Variants in KSR2 observed in about 807,000 individuals in gnomAD.
KSR2 encodes the protein kinase suppressor of ras 2.
KSR2 carries 25 observed loss-of-function variants against 107.8 expected under a neutral mutation model. That is an observed-to-expected ratio of 0.23 (90% CI 0.17 to 0.32). KSR2 has a LOEUF of 0.32. Ranked by LOEUF, KSR2 falls within the 10% of genes least tolerant of loss-of-function variation. KSR2 has a pLI of 1.00. For synonymous variants in KSR2, 480 were observed against 507.0 expected (o/e 0.95, Z 0.71); for missense variants, 887 against 1,268.9 (o/e 0.70, Z 4.57).
intron 3 of KSR2, among the ~76,000 whole-genome samples, chr12:117,824,562 T>A (rs1019528436): frequency 5.9e-5 from 9 of 152,172 alleles, no homozygotes; most frequent in East Asian, 1.9e-4. Flanking sequence ...AAAATTATTT[T>A]AAAAAAATTT....
intron 4 of KSR2, among the ~76,000 whole-genome samples, chr12:117,713,413 ACT>A (rs1287875436): frequency 6.6e-6 from 1 of 152,138 alleles, no homozygotes; most frequent in Non-Finnish European, 1.5e-5. Flanking sequence ...TCTTTGGGGA[ACT>A]CTGATACAGA....
At chr12:117,776,629 G>T (rs1395399410) in intron 3 of KSR2, among the ~76,000 whole-genome samples, 1 of 152,072 alleles carries the variant, frequency 6.6e-6, no homozygotes, top group Non-Finnish European at 1.5e-5. Flanking sequence ...AACCTTGATG[G>T]TCGCTGTCAT....
chr12:117,477,039 T>C (rs1249916605), intron 16 of KSR2, among the ~76,000 whole-genome samples: 1 of 152,214 alleles, frequency 6.6e-6, no homozygotes, highest in Non-Finnish European at 1.5e-5. Context: ...TTTTACATAA[T>C]AGACTATGGG....
chr12:117,941,829 G>C (rs1270935782), intron 1 of KSR2, among the ~76,000 whole-genome samples: 1 of 132,572 alleles, frequency 7.5e-6, no homozygotes, highest in Non-Finnish European at 1.6e-5. Context: ...TTTTAGTAGA[G>C]ACGGAGTTTC....
At chr12:117,816,525 G>A (rs1417378778) in intron 3 of KSR2, among the ~76,000 whole-genome samples, 1 of 152,178 alleles carries the variant, frequency 6.6e-6, no homozygotes, top group Admixed American at 6.5e-5. Flanking sequence ...TCTGTGACCT[G>A]GCTTTGTCTT....
chr12:117,613,898 C>T (rs1881735565), intron 5 of KSR2, among the ~76,000 whole-genome samples: 1 of 152,114 alleles, frequency 6.6e-6, no homozygotes, highest in Non-Finnish European at 1.5e-5. Flanking sequence ...ATTGTACCTC[C>T]CAAGTAATGT....
intron 1 of KSR2, among the ~76,000 whole-genome samples, chr12:117,956,140 C>T (rs1209220256): frequency 6.7e-6 from 1 of 149,532 alleles, no homozygotes; most frequent in Non-Finnish European, 1.5e-5. Context: ...GTCCCAGCTA[C>T]TCGGGAGGCT....
intron 4 of KSR2, among the ~76,000 whole-genome samples, chr12:117,746,975 C>T (rs544292120): frequency 8.5e-5 from 13 of 152,146 alleles, no homozygotes; most frequent in Admixed American, 2.0e-4. Context: ...TGCTTTTACA[C>T]TGTTGGTGGG....
intron 4 of KSR2, among the ~76,000 whole-genome samples, chr12:117,707,815 G>C (rs1291749640): frequency 6.6e-6 from 1 of 152,180 alleles, no homozygotes; most frequent in African/African-American, 2.4e-5. Flanking sequence ...AGGTGTGGCT[G>C]TCTGGGAGGG....
chr12:117,613,204 T>G (rs2136321551), intron 5 of KSR2, among the ~76,000 whole-genome samples: 1 of 152,358 alleles, frequency 6.6e-6, no homozygotes, highest in Admixed American at 6.5e-5. Context: ...GGGGCTGTAA[T>G]TCCACGTAAC....
chr12:117,626,717 T>A (rs58153208), intron 5 of KSR2, among the ~76,000 whole-genome samples: 16,407 of 152,070 alleles, frequency 0.11, 2,108 homozygotes, highest in African/African-American at 0.31. Flanking sequence ...GATGTCTATT[T>A]GGCCTGCTTG....
rs59154607 is a variant in KSR2 at position 117,741,368 on chromosome 12, A to ATTT, written c.986+19640_986+19642dup. Among the ~76,000 whole-genome samples the ATTT allele has an allele frequency of 2.7e-5, 4 of 149,870 alleles. No homozygotes were observed. In the East Asian group the frequency reaches 5.9e-4, roughly 22 times the overall value. ...CCAGTCTGTACAAAAAAAAAAAAAA[A>ATTT]TTTAATTAGCTGGGCACAGTGGTGC... On this transcript the variant is annotated intron_variant, in intron 4 of 19. Transcript: ENST00000339824.
At chr12:117,474,470 T>C (rs1294103480) in intron 17 of KSR2, among the ~76,000 whole-genome samples, 1 of 152,050 alleles carries the variant, frequency 6.6e-6, no homozygotes, top group East Asian at 1.9e-4. Context: ...CAAGGAAGAC[T>C]GTCTCTGTAA....
At chr12:117,558,752 G>A (rs1166716796) in intron 7 of KSR2, among the ~76,000 whole-genome samples, 179 bp from the exon 8 acceptor site, 1 of 139,602 alleles carries the variant, frequency 7.2e-6, no homozygotes, top group South Asian at 2.6e-4. Context: ...ATTCACGGAT[G>A]GATGGGTAGG....
chr12:117,786,249 C>T (rs991792195), intron 3 of KSR2, among the ~76,000 whole-genome samples: 1 of 152,092 alleles, frequency 6.6e-6, no homozygotes, highest in Non-Finnish European at 1.5e-5. Context: ...GTATTTTCCA[C>T]TTTTTACTAA....
At chr12:117,709,791 G>T (rs1227458904) in intron 4 of KSR2, among the ~76,000 whole-genome samples, 1 of 152,186 alleles carries the variant, frequency 6.6e-6, no homozygotes, top group Non-Finnish European at 1.5e-5. Context: ...TAGGATGTTA[G>T]GCAGCATCCC....
intron 1 of KSR2, among the ~76,000 whole-genome samples, chr12:117,870,046 C>T (rs187996035): frequency 1.3e-5 from 2 of 152,254 alleles, no homozygotes; most frequent in Admixed American, 1.3e-4. Context: ...GGGTGTGATC[C>T]CAAAGCTCTG....
chr12:117,697,288 T>C (rs1886108137), intron 4 of KSR2, among the ~76,000 whole-genome samples: 1 of 152,188 alleles, frequency 6.6e-6, no homozygotes, highest in South Asian at 2.1e-4. Flanking sequence ...AAGGTACATA[T>C]TGAAAAACAG....
intron 3 of KSR2, among the ~76,000 whole-genome samples, chr12:117,794,142 ACC>A (rs1198961222): frequency 8.3e-6 from 1 of 120,876 alleles, no homozygotes. Flanking sequence ...ACATGCACAC[ACC>A]CCAACATGCA....
Sources: gnomAD v4.1 joint callset for allele counts (sites outside exome capture counted in the v4.1 genomes callset) on GRCh38, gnomAD v4.1.1 for gene constraint, MANE v1.5 for transcripts, NCBI Gene and HGNC (gene_info 2026-07-23, HGNC 2026-07-21) for gene names.